HCN1: variants seen among roughly 807,000 people sequenced by gnomAD.
HCN1 encodes the protein potassium/sodium hyperpolarization-activated cyclic nucleotide-gated channel 1.
A neutral mutation model predicts 78.9 loss-of-function variants in HCN1; 13 were observed. The ratio of observed to expected loss-of-function variants is 0.16; its 90% CI spans 0.11 to 0.26. The LOEUF (loss-of-function observed/expected upper bound fraction) is 0.26, where lower values mean the gene tolerates loss of function less well. HCN1 is among the 10% of genes least tolerant of loss of function. The probability of loss-of-function intolerance (pLI) is 1.00; values close to 1 mark genes in which losing one functional copy is unlikely to be tolerated. For missense variants in HCN1, 810 were observed against 1,154.3 expected (o/e 0.70, Z 4.32); for synonymous variants, 552 against 455.5 (o/e 1.21, Z -2.70).
intron 2 of HCN1, among the ~76,000 whole-genome samples, chr5:45,617,746 A>G (rs1235889132): frequency 6.6e-6 from 1 of 152,136 alleles, no homozygotes; most frequent in Admixed American, 6.6e-5. Flanking sequence ...AAATGTTTTC[A>G]TATTGTAAAT....
At chr5:45,438,518 G>A (rs1350078238) in intron 3 of HCN1, among the ~76,000 whole-genome samples, 2 of 151,484 alleles carry the variant, frequency 1.3e-5, no homozygotes, top group East Asian at 2.0e-4. Context: ...GTGAACCTGG[G>A]AGGTGGAGCT....
chr5:45,585,365 GT>G (rs1744190523), intron 2 of HCN1, among the ~76,000 whole-genome samples: 1 of 152,264 alleles, frequency 6.6e-6, no homozygotes, highest in African/African-American at 2.4e-5. Flanking sequence ...TCGTGCCATG[GT>G]TTTCAGCTCC....
intron 2 of HCN1, among the ~76,000 whole-genome samples, chr5:45,625,708 T>C (rs1369762264): frequency 6.6e-6 from 1 of 151,742 alleles, no homozygotes; most frequent in Non-Finnish European, 1.5e-5. Context: ...GTTAATAAAA[T>C]AGATCAATTC....
At chr5:45,457,792 C>G (rs1741058932) in intron 3 of HCN1, among the ~76,000 whole-genome samples, 1 of 152,108 alleles carries the variant, frequency 6.6e-6, no homozygotes, top group African/African-American at 2.4e-5. Context: ...TGAAAGAGAG[C>G]TGGAGATAGC....
At position 45,259,297 on chromosome 5, in the gene HCN1, A is replaced by G. The variant is rs1744683960; in HGVS notation, c.*2624T>C. On this transcript the variant is annotated 3_prime_UTR_variant, in exon 8 of 8. Transcript: ENST00000303230. ...ATTAATAATCTTTATATATATTTAT[A>G]TATGTATGGCTTTGAGCAAAGACAA... is the stretch of plus-strand genomic sequence containing the variant. The G allele has an allele frequency of 6.6e-6, 1 of 152,216 alleles. No individual in the cohort carries two copies. Among genetic ancestry groups the G allele is most frequent in the Non-Finnish European group, 1.5e-5 (1 of 67,900 alleles). The allele number at this position is 152,216 out of a possible 1,614,324, so 9.4% of individuals were successfully genotyped here. A position where few individuals can be genotyped will look rare whatever the true frequency, so the allele number is the denominator to read the frequency against.
intron 5 of HCN1, among the ~76,000 whole-genome samples, chr5:45,306,751 C>A (rs1745742377): frequency 6.6e-6 from 1 of 152,002 alleles, no homozygotes; most frequent in African/African-American, 2.4e-5. Context: ...TCTCTAATGT[C>A]AATTCAAATT....
At chr5:45,428,359 G>A (rs530061974) in intron 3 of HCN1, among the ~76,000 whole-genome samples, 13 of 151,986 alleles carry the variant, frequency 8.6e-5, no homozygotes, top group South Asian at 8.3e-4. Flanking sequence ...GAATTTTGAT[G>A]ATCAATGTCA....
intron 3 of HCN1, among the ~76,000 whole-genome samples, chr5:45,460,773 AT>A (rs2111623957): frequency 6.6e-6 from 1 of 152,090 alleles, no homozygotes; most frequent in African/African-American, 2.4e-5. Flanking sequence ...AAGACAATAC[AT>A]CTTAACTGTC....
At chr5:45,331,220 G>A (rs943515322) in intron 5 of HCN1, among the ~76,000 whole-genome samples, 12 of 151,032 alleles carry the variant, frequency 7.9e-5, no homozygotes, top group African/African-American at 2.7e-4. Flanking sequence ...AGTATTAAGA[G>A]TTCTTAGGGC....
intron 2 of HCN1, among the ~76,000 whole-genome samples, chr5:45,629,476 G>A (rs1490117420): frequency 6.6e-6 from 1 of 152,038 alleles, no homozygotes; most frequent in Admixed American, 6.6e-5. Context: ...TCAGAGTAAG[G>A]TGTAAAACTC....
intron 4 of HCN1, among the ~76,000 whole-genome samples, chr5:45,354,812 T>C (rs1340449325): frequency 6.6e-6 from 1 of 151,994 alleles, no homozygotes. Context: ...GGTGAGAATC[T>C]GAAACCTTAA....
rs536568761 is a variant in HCN1 at position 45,459,746 on chromosome 5, T to TA, written c.1011+2099dup. Among the ~76,000 whole-genome samples the TA allele has an allele frequency of 4.6e-5, 7 of 152,262 alleles. No homozygotes were observed. The East Asian group carries it at 1.2e-3, about 25-fold the overall frequency. ...TTCTGAAAGATACATAGGAAAAATGTAAAATAATAATTTTTTACCAAATTA... is the reference window on the plus strand; with the variant it reads ...TTCTGAAAGATACATAGGAAAAATGTAAAAATAATAATTTTTTACCAAATTA... On this transcript the variant is annotated intron_variant, in intron 3 of 7. Coordinates refer to ENST00000303230, the MANE Select transcript of HCN1 (RefSeq NM_021072.4).
intron 6 of HCN1, among the ~76,000 whole-genome samples, chr5:45,298,530 C>T (rs1192897328): frequency 6.6e-6 from 1 of 151,770 alleles, no homozygotes; most frequent in Admixed American, 6.6e-5. Flanking sequence ...TGGAAGAGAT[C>T]CCAATAGCCA....
intron 1 of HCN1, among the ~76,000 whole-genome samples, chr5:45,689,303 G>GAA (rs914719052): frequency 1.8e-4 from 27 of 149,754 alleles, no homozygotes; most frequent in African/African-American, 6.4e-4. Flanking sequence ...AAAAGTTGAA[G>GAA]AAAAAAAAAT....
chr5:45,303,698 C>A lies in HCN1; in HGVS notation c.1519G>T (p.Ala507Ser). 6.2e-7 allele frequency: 1 copy of A among 1,613,604 alleles called. No homozygotes were observed. Among genetic ancestry groups the A allele is most frequent in the Non-Finnish European group, 8.5e-7 (1 of 1,179,742 alleles). Residue 507 changes from alanine to serine, a missense_variant, in exon 6 of 8, where the codon GCC (alanine) becomes TCC (serine). Ala to Ser is a moderately conservative substitution (Grantham distance 99, BLOSUM62 1). This residue lies in a region of HCN1 where 100 missense variants were observed against 126.8 expected (regional missense o/e 0.79). Transcript: ENST00000303230. The part of the protein sequence containing the change: ...QPGDYIIREG[A>S]VGKKMYFIQH... ...ATGAAATACATTTTTTTACCCACGG[C>A]TCCTTCTCGTATGATATAATCTCCA...
intron 2 of HCN1, among the ~76,000 whole-genome samples, chr5:45,508,312 G>A (rs1742347651): frequency 6.6e-6 from 1 of 151,948 alleles, no homozygotes; most frequent in African/African-American, 2.4e-5. Flanking sequence ...TACACCACCT[G>A]TTTTACAATC....
chr5:45,567,221 T>C (rs1234064764), intron 2 of HCN1, among the ~76,000 whole-genome samples: 8 of 152,150 alleles, frequency 5.3e-5, no homozygotes, highest in Non-Finnish European at 1.5e-5. Flanking sequence ...TTCATTTTTT[T>C]TTTTGTCTTT....
At chr5:45,296,033 G>T (rs1745485383) in intron 6 of HCN1, among the ~76,000 whole-genome samples, 1 of 151,930 alleles carries the variant, frequency 6.6e-6, no homozygotes, top group African/African-American at 2.4e-5. Context: ...GCCCATAAAA[G>T]GCTTGTGCTT....
At chr5:45,442,383 T>C (rs543731965) in intron 3 of HCN1, among the ~76,000 whole-genome samples, 14 of 152,120 alleles carry the variant, frequency 9.2e-5, no homozygotes, top group Non-Finnish European at 1.9e-4. Context: ...TACGAAATTA[T>C]GTTTGATTAA....
Sources: allele counts gnomAD v4.1 joint callset (sites outside exome capture counted in the v4.1 genomes callset), GRCh38; gene constraint gnomAD v4.1.1; regional missense constraint gnomAD v4.1.1; transcripts MANE v1.5; gene names NCBI Gene and HGNC (gene_info 2026-07-23, HGNC 2026-07-21).